Variants in PPM1E observed in about 807,000 individuals in gnomAD.
The protein encoded by PPM1E is protein phosphatase, Mg2+/Mn2+ dependent 1E.
A neutral mutation model predicts 65.9 loss-of-function variants in PPM1E; 20 were observed. The ratio of observed to expected loss-of-function variants is 0.30; its 90% confidence interval spans 0.21 to 0.44. The LOEUF (loss-of-function observed/expected upper bound fraction) is 0.44. Among genes scored for constraint, PPM1E ranks in the 20% least tolerant of loss-of-function variants. PPM1E has a pLI of 1.00. For synonymous variants in PPM1E, 352 were observed against 374.9 expected (o/e 0.94, Z 0.70); for missense variants, 713 against 953.1 (o/e 0.75, Z 3.32).
intron 1 of PPM1E, among the ~76,000 whole-genome samples, chr17:58,878,688 T>G (rs2051154925): frequency 6.6e-6 from 1 of 151,384 alleles, no homozygotes; most frequent in Admixed American, 6.6e-5. Context: ...ATCCCAGCAC[T>G]TTGGGAGGCT....
At chr17:58,885,800 A>G (rs1308767479) in intron 1 of PPM1E, among the ~76,000 whole-genome samples, 1 of 152,084 alleles carries the variant, frequency 6.6e-6, no homozygotes. Flanking sequence ...CCCCTCTTCA[A>G]TTTCTCAAGA....
intron 3 of PPM1E, 26 bp downstream of exon 3, chr17:58,965,919 T>C (rs2030207698): frequency 6.2e-7 from 1 of 1,606,620 alleles, no homozygotes. Context: ...GGAGAGTCAG[T>C]GAGATTTTAA....
At position 58,887,165 on chromosome 17, in the gene PPM1E, T is replaced by C. The variant is rs1012022120; in HGVS notation, c.465-68484T>C. ...ACCTCATAAGTGAGGCCTTCTTCTT[T>C]TTTTTTTTTTTTTTTTTGAGATGTA... On this transcript the variant is annotated intron_variant, in intron 1 of 6. Transcript: ENST00000308249. Among the ~76,000 whole-genome samples, 276 of 144,000 alleles carry C rather than the reference T, an allele frequency of 1.9e-3. 1 individual carries two copies. The highest frequency in any genetic ancestry group is 3.0e-3 in the Non-Finnish European group (194 of 65,534). 94.5% of individuals were successfully genotyped at this position (144,000 alleles called of 152,430 possible).
chr17:58,797,175 G>A (rs1270875565), intron 1 of PPM1E, among the ~76,000 whole-genome samples: 1 of 151,990 alleles, frequency 6.6e-6, no homozygotes, highest in Non-Finnish European at 1.5e-5. Context: ...GTAGCTCAAT[G>A]TTTGTTTATT....
At chr17:58,911,200 C>G (rs1479056991) in intron 1 of PPM1E, among the ~76,000 whole-genome samples, 2 of 152,186 alleles carry the variant, frequency 1.3e-5, no homozygotes, top group African/African-American at 4.8e-5. Flanking sequence ...TGTGACCTCA[C>G]TTCTCTTAAG....
intron 1 of PPM1E, among the ~76,000 whole-genome samples, chr17:58,779,789 A>G (rs2050033867): frequency 6.6e-6 from 1 of 152,150 alleles, no homozygotes; most frequent in African/African-American, 2.4e-5. Flanking sequence ...TTTTGTATGC[A>G]TTCATTCACT....
chr17:58,883,091 G>T (rs2143398195), intron 1 of PPM1E, among the ~76,000 whole-genome samples: 1 of 151,508 alleles, frequency 6.6e-6, no homozygotes, highest in East Asian at 2.0e-4. Context: ...AACTAGCTGG[G>T]ATTACAGGCG....
intron 1 of PPM1E, among the ~76,000 whole-genome samples, chr17:58,826,689 G>A (rs1432716488): frequency 1.3e-5 from 2 of 151,946 alleles, no homozygotes; most frequent in African/African-American, 4.8e-5. Context: ...GCAGTGCCAC[G>A]ATCTTGGCTC....
intron 1 of PPM1E, among the ~76,000 whole-genome samples, chr17:58,945,687 T>C (rs996318849): frequency 6.6e-6 from 1 of 152,210 alleles, no homozygotes; most frequent in African/African-American, 2.4e-5. Flanking sequence ...TCCTACAACC[T>C]TCTCCGAAGT....
At chr17:58,793,416 C>T (rs1217068239) in intron 1 of PPM1E, among the ~76,000 whole-genome samples, 6 of 151,752 alleles carry the variant, frequency 4.0e-5, no homozygotes, top group East Asian at 3.9e-4. Context: ...AGTGCAGTGG[C>T]GCGATCTCGG....
chr17:58,847,419 CT>C (rs1434389911), intron 1 of PPM1E, among the ~76,000 whole-genome samples: 1 of 152,148 alleles, frequency 6.6e-6, no homozygotes, highest in African/African-American at 2.4e-5. Flanking sequence ...ACATTTAAGT[CT>C]TTAATCCATC....
intron 1 of PPM1E, among the ~76,000 whole-genome samples, chr17:58,837,110 C>A (rs959224069): frequency 6.6e-6 from 1 of 150,588 alleles, no homozygotes; most frequent in African/African-American, 2.4e-5. Context: ...GGTTTGTTGG[C>A]GCATGCCTGT....
intron 1 of PPM1E, among the ~76,000 whole-genome samples, chr17:58,933,378 GTTAATA>G (rs1032364663): frequency 3.9e-5 from 6 of 152,166 alleles, no homozygotes; most frequent in Admixed American, 6.5e-5. Flanking sequence ...AAATGATACT[GTTAATA>G]TTGATAAAGC....
At chr17:58,896,171 A>G (rs2051413851) in intron 1 of PPM1E, among the ~76,000 whole-genome samples, 1 of 151,978 alleles carries the variant, frequency 6.6e-6, no homozygotes, top group Non-Finnish European at 1.5e-5. Context: ...TGATATAGAG[A>G]AAGTTTTAGT....
chr17:58,906,572 A>G (rs1159082472), intron 1 of PPM1E, among the ~76,000 whole-genome samples: 2 of 152,136 alleles, frequency 1.3e-5, no homozygotes, highest in African/African-American at 2.4e-5. Context: ...TCCTGGGCTC[A>G]AGTGATCTGT....
At chr17:58,805,963 AAAAAAAAAAACAAAAAAAAAACAAAAC>A (rs2050304069) in intron 1 of PPM1E, among the ~76,000 whole-genome samples, 1 of 113,008 alleles carries the variant, frequency 8.8e-6, no homozygotes, top group African/African-American at 4.1e-5. Flanking sequence ...AAAAAAAACA[AAAAAAAAAAACAAAAAAAAAACAAAAC>A]AAAACAAAAC....
At chr17:58,836,438 A>G (rs1435427959) in intron 1 of PPM1E, among the ~76,000 whole-genome samples, 1 of 150,480 alleles carries the variant, frequency 6.6e-6, no homozygotes, top group Non-Finnish European at 1.5e-5. Context: ...CCTGGGCGAC[A>G]GAGTAAGATC....
At chr17:58,910,012 C>T (rs2051607823) in intron 1 of PPM1E, among the ~76,000 whole-genome samples, 1 of 137,304 alleles carries the variant, frequency 7.3e-6, no homozygotes, top group Non-Finnish European at 1.5e-5. Context: ...AAGTGATTCT[C>T]CTGCCTCAGC....
chr17:58,756,240 G>C lies in PPM1E; in HGVS notation c.243G>C (p.Gln81His). 6.4e-7 allele frequency: 1 copy of C among 1,552,428 alleles called. No individual in the cohort carries two copies. Among genetic ancestry groups the C allele is most frequent in the Non-Finnish European group, 8.7e-7 (1 of 1,147,640 alleles). Residue 81 changes from glutamine to histidine, a missense_variant, in exon 1 of 7, where the codon CAG (glutamine) becomes CAC (histidine). Gln to His is a conservative substitution (Grantham distance 24). Transcript: ENST00000308249. ...ATVAATEEGD[Q>H]EQDPEPEEEA... ...TAGCCGCGACGGAGGAGGGGGACCA[G>C]GAGCAAGACCCGGAGCCCGAGGAGG...
Sources: allele counts gnomAD v4.1 joint callset (sites outside exome capture counted in the v4.1 genomes callset), GRCh38; gene constraint gnomAD v4.1.1; transcripts MANE v1.5; gene names NCBI Gene and HGNC (gene_info 2026-07-23, HGNC 2026-07-21).